PHYHIP: variants seen among roughly 807,000 people sequenced by gnomAD.
PHYHIP encodes phytanoyl-CoA hydroxylase-interacting protein.
A neutral mutation model predicts 26.1 loss-of-function variants in PHYHIP; 7 were observed. The observed-to-expected ratio is 0.27, with a 90% CI of 0.15 to 0.50. PHYHIP has a LOEUF of 0.50. Among genes scored for constraint, PHYHIP ranks in the 20% least tolerant of loss-of-function variants. PHYHIP has a pLI of 0.98. For missense variants in PHYHIP, 232 were observed against 454.7 expected, an observed-to-expected ratio of 0.51 and a Z score of 4.45; for synonymous variants, 206 against 183.4, an observed-to-expected ratio of 1.12 and a Z score of -1.00.
At chr8:22,224,787 A>C (rs1307813944) in intron 3 of PHYHIP, among the ~76,000 whole-genome samples, 1 of 152,186 alleles carries the variant, frequency 6.6e-6, no homozygotes, top group Non-Finnish European at 1.5e-5. Flanking sequence ...ACCCCCATGG[A>C]AGCCAGCTGT....
rs546269334 is a variant in PHYHIP, at chr8:22,227,035, A to C, written c.166-10T>G. 22 of 1,606,778 alleles carry C rather than the reference A, an allele frequency of 1.4e-5. No homozygotes were observed. In the South Asian group the frequency reaches 1.8e-4, roughly 13 times the overall value. On this transcript the variant is annotated splice_polypyrimidine_tract_variant and intron_variant, in intron 2 of 4. Transcript: ENST00000454243. ...GCTTGGTGGGGACGTCCTGAGAAACAGGGTACAAACAGAGAGCCAGGCGTC... is the reference window on the plus strand; with the variant it reads ...GCTTGGTGGGGACGTCCTGAGAAACCGGGTACAAACAGAGAGCCAGGCGTC...
At chr8:22,228,607 C>G (rs1391871927) in intron 1 of PHYHIP, 4 of 401,670 alleles carry the variant, frequency 1.0e-5, no homozygotes, top group Non-Finnish European at 1.8e-5. Flanking sequence ...TCGGAGGGGT[C>G]TGCAGAGCAG....
At chr8:22,227,712 C>T (rs965731273) in intron 2 of PHYHIP, 6 of 456,670 alleles carry the variant, frequency 1.3e-5, no homozygotes, top group Non-Finnish European at 2.6e-5. Flanking sequence ...AGGTGAGGGG[C>T]CCGAGAGGGA....
intron 1 of PHYHIP, among the ~76,000 whole-genome samples, chr8:22,230,617 C>T (rs1829847627): frequency 6.6e-6 from 1 of 152,012 alleles, no homozygotes; most frequent in African/African-American, 2.4e-5. Context: ...CCAAGACAGG[C>T]ATGTACACAC....
intron 4 of PHYHIP, chr8:22,223,855 C>A: frequency 5.3e-6 from 1 of 187,572 alleles, no homozygotes; most frequent in Non-Finnish European, 1.1e-5. Context: ...GTGATCAGAA[C>A]ACTCATTTTG....
intron 4 of PHYHIP, chr8:22,223,756 G>GC (rs1325864201): frequency 6.5e-6 from 1 of 154,552 alleles, no homozygotes; most frequent in East Asian, 1.9e-4. Flanking sequence ...CAACCCCATG[G>GC]CAGCATTCTA....
rs778403334 is a variant in PHYHIP at position 22,226,870 on chromosome 8, C to T, written c.321G>A (p.Thr107=). 11 of 1,613,428 alleles carry T rather than the reference C, an allele frequency of 6.8e-6. No homozygotes were observed. In the Admixed American group the frequency reaches 1.3e-4, roughly 20 times the overall value. ...GEYLVSGWSE[T]VEFCTGDYAK... ...CCTCACCCCCAGTGCAGAACTCCACCGTCTCGCTCCAGCCGGACACCAGGT... is the reference window on the plus strand; with the variant it reads ...CCTCACCCCCAGTGCAGAACTCCACTGTCTCGCTCCAGCCGGACACCAGGT... Residue 107 remains threonine (T), a synonymous_variant, in exon 3 of 5, where the codon ACG becomes ACA. Transcript: ENST00000454243.
intron 1 of PHYHIP, among the ~76,000 whole-genome samples, chr8:22,230,872 C>G (rs1195584644): frequency 6.6e-6 from 1 of 152,004 alleles, no homozygotes; most frequent in African/African-American, 2.4e-5. Flanking sequence ...CACACCGCCT[C>G]ACAAGCCATA....
intron 1 of PHYHIP, 104 bp from the exon 2 acceptor site, chr8:22,228,490 G>C: frequency 1.6e-6 from 1 of 641,088 alleles, no homozygotes; most frequent in Non-Finnish European, 2.8e-6. Flanking sequence ...AGGACCCCTG[G>C]AATCCACATG....
At chr8:22,226,331 C>G (rs1829743944) in intron 3 of PHYHIP, among the ~76,000 whole-genome samples, 1 of 152,084 alleles carries the variant, frequency 6.6e-6, no homozygotes, top group East Asian at 1.9e-4. Context: ...ATATGAGACA[C>G]CTAGAGGAGT....
chr8:22,220,237 G>C lies in PHYHIP; in HGVS notation c.*1116C>G, dbSNP rs1829587721. On this transcript the variant is annotated 3_prime_UTR_variant, in exon 5 of 5. Coordinates refer to ENST00000454243, the MANE Select transcript of PHYHIP (RefSeq NM_014759.5). ...TCGTGACCTGTGTGACAGTAGGAAT[G>C]AGGCAAAAACACAAGGAGGCCCGGG... The C allele has an allele frequency of 6.6e-6, 1 of 152,286 alleles. No homozygotes were observed. Among genetic ancestry groups the C allele is most frequent in the South Asian group, 2.1e-4 (1 of 4,830 alleles). The allele number at this position is 152,286 out of a possible 1,614,324, so 9.4% of individuals were successfully genotyped here. A position where few individuals can be genotyped will look rare whatever the true frequency, so the allele number is the denominator to read the frequency against.
Position 22,228,369 on chromosome 8 carries a change from G to T in PHYHIP, c.-12C>A. On this transcript the variant is annotated 5_prime_UTR_variant, in exon 2 of 5. Coordinates refer to ENST00000454243, the MANE Select transcript of PHYHIP (RefSeq NM_014759.5). Reference sequence around the variant, plus strand: ...GACAGCAGCTCCATGCTCCCGTCAGGGTTGTCTCCTGTGGGGACTGAGGAG... The same window carrying T: ...GACAGCAGCTCCATGCTCCCGTCAGTGTTGTCTCCTGTGGGGACTGAGGAG... The T allele has an allele frequency of 6.3e-7, 1 of 1,577,378 alleles. No individual in the cohort carries two copies. The highest frequency in any genetic ancestry group is 8.6e-7 in the Non-Finnish European group (1 of 1,160,974).
intron 1 of PHYHIP, among the ~76,000 whole-genome samples, chr8:22,231,456 C>T (rs1028084557): frequency 3.3e-5 from 5 of 152,226 alleles, no homozygotes; most frequent in East Asian, 1.9e-4. Context: ...AGCCAACTCG[C>T]GAGCGCGCAC....
chr8:22,228,564 A>C (rs1251226924), intron 1 of PHYHIP, 178 bp from the exon 2 acceptor site: 3 of 520,570 alleles, frequency 5.8e-6, no homozygotes, highest in African/African-American at 3.8e-5. Flanking sequence ...GAGGGTGGAA[A>C]GGGGTGCCTG....
chr8:22,225,807 C>CA (rs113615767), intron 3 of PHYHIP, among the ~76,000 whole-genome samples: 5,725 of 89,776 alleles, frequency 0.064, 213 homozygotes, highest in African/African-American at 0.14. Flanking sequence ...GATTCCATCT[C>CA]AAAAAAAAAA....
chr8:22,227,531 C>G (rs552050668), intron 2 of PHYHIP: 2 of 446,014 alleles, frequency 4.5e-6, no homozygotes, highest in East Asian at 1.4e-4. Flanking sequence ...ACGCCGGTGC[C>G]GTCGGCCTGG....
chr8:22,231,425 T>C (rs1199264706), intron 1 of PHYHIP, among the ~76,000 whole-genome samples: 2 of 152,206 alleles, frequency 1.3e-5, no homozygotes, highest in African/African-American at 2.4e-5. Flanking sequence ...CAGACGGACC[T>C]ATCTGCGCCA....
chr8:22,227,581 T>TTGAGAGGATGGGGGTCTTCCTCCCA, intron 2 of PHYHIP: 1 of 456,264 alleles, frequency 2.2e-6, no homozygotes, highest in South Asian at 1.5e-5. Flanking sequence ...CTCTGCCAGC[T>TTGAGAGGATGGGGGTCTTCCTCCCA]TGAGAGGATG....
At chr8:22,225,487 C>T (rs1176371893) in intron 3 of PHYHIP, among the ~76,000 whole-genome samples, 1 of 151,734 alleles carries the variant, frequency 6.6e-6, no homozygotes, top group Non-Finnish European at 1.5e-5. Context: ...GAGCAAGACC[C>T]TGTCTCAAAA....
Sources: allele counts gnomAD v4.1 joint callset (sites outside exome capture counted in the v4.1 genomes callset), GRCh38; gene constraint gnomAD v4.1.1; transcripts MANE v1.5; gene names NCBI Gene and HGNC (gene_info 2026-07-23, HGNC 2026-07-21).